Variants in CDH19 observed in about 807,000 individuals in gnomAD.
The protein encoded by CDH19 is cadherin-19.
In CDH19, 67 loss-of-function variants were observed where a neutral mutation model predicts 64.2. The ratio of observed to expected loss-of-function variants is 1.04; its 90% confidence interval spans 0.86 to 1.28. The LOEUF (loss-of-function observed/expected upper bound fraction) is 1.28, where lower values mean the gene tolerates loss of function less well. CDH19 is among the 50% of genes most tolerant of loss of function. CDH19 has a pLI of 0.00. For missense variants in CDH19, 1,030 were observed against 929.0 expected, an observed-to-expected ratio of 1.11 and a Z score of -1.41; for synonymous variants, 346 against 319.3, an observed-to-expected ratio of 1.08 and a Z score of -0.89.
At chr18:66,535,865 T>C (rs1986647860) in intron 7 of CDH19, among the ~76,000 whole-genome samples, 1 of 147,398 alleles carries the variant, frequency 6.8e-6, no homozygotes, top group Non-Finnish European at 1.5e-5. Context: ...TATATATGTA[T>C]GTGATATATT....
chr18:66,575,245 G>T (rs892315195), intron 1 of CDH19, among the ~76,000 whole-genome samples: 4 of 151,820 alleles, frequency 2.6e-5, no homozygotes, highest in South Asian at 2.1e-4. Flanking sequence ...CAAGGGGAGT[G>T]TTAAGAGTGA....
At chr18:66,551,576 G>A (rs1027469311) in intron 4 of CDH19, among the ~76,000 whole-genome samples, 2 of 151,604 alleles carry the variant, frequency 1.3e-5, no homozygotes, top group East Asian at 1.9e-4. Flanking sequence ...ACATAATATC[G>A]GCTTGCTACA....
At position 66,501,669 on chromosome 18, in the gene CDH19, A is replaced by G. The variant is rs543696311; in HGVS notation, c.*3143T>C. 1.3e-5 allele frequency: 2 copies of G among 152,128 alleles called. No homozygotes were observed. The allele number at this position is 152,128 out of a possible 1,614,324, so 9.4% of individuals were successfully genotyped here. ...CCATTAGCTGTTGTTATAATAATTC[A>G]CTGTTATTTATTGAGCAGTTATATT... On this transcript the variant is annotated 3_prime_UTR_variant, in exon 12 of 12. Transcript: ENST00000262150.
At chr18:66,544,996 C>A in intron 5 of CDH19, 93 bp from the exon 6 acceptor site, 1 of 963,012 alleles carries the variant, frequency 1.0e-6, no homozygotes, top group South Asian at 2.0e-5. Flanking sequence ...TTTGTTTTTT[C>A]GAGACGGAGT....
At chr18:66,544,273 G>C (rs1396772729) in intron 6 of CDH19, 49 bp from the exon 7 acceptor site, 1 of 1,543,704 alleles carries the variant, frequency 6.5e-7, no homozygotes, top group Non-Finnish European at 8.7e-7. Flanking sequence ...AGTAACCCAA[G>C]ATACTATTTA....
chr18:66,538,211 A>G (rs1189041422), intron 7 of CDH19, among the ~76,000 whole-genome samples: 1 of 152,064 alleles, frequency 6.6e-6, no homozygotes, highest in Non-Finnish European at 1.5e-5. Flanking sequence ...AAAATTACTT[A>G]GGTTGTATTT....
chr18:66,523,919 G>C (rs1265792629), intron 9 of CDH19, among the ~76,000 whole-genome samples: 2 of 148,362 alleles, frequency 1.3e-5, no homozygotes, highest in African/African-American at 5.0e-5. Context: ...GGGGCGGGGG[G>C]GTTGGGGGGC....
At chr18:66,581,747 G>A (rs891196190) in intron 1 of CDH19, among the ~76,000 whole-genome samples, 8 of 151,996 alleles carry the variant, frequency 5.3e-5, no homozygotes, top group Non-Finnish European at 1.0e-4. Context: ...TTTGGGACTC[G>A]GATTGAGCGA....
At chr18:66,559,183 T>C (rs1056106524) in intron 3 of CDH19, among the ~76,000 whole-genome samples, 2 of 152,020 alleles carry the variant, frequency 1.3e-5, no homozygotes, top group African/African-American at 4.8e-5. Flanking sequence ...TTTAAAATTG[T>C]ATTTCCATGG....
intron 1 of CDH19, among the ~76,000 whole-genome samples, chr18:66,587,025 A>G (rs1284777610): frequency 6.6e-6 from 1 of 152,098 alleles, no homozygotes; most frequent in Non-Finnish European, 1.5e-5. Flanking sequence ...AAGCACCTGC[A>G]TTACCAGGAC....
At chr18:66,572,353 A>G (rs996752344) in intron 1 of CDH19, 37 bp from the exon 2 acceptor site, 6 of 502,426 alleles carry the variant, frequency 1.2e-5, no homozygotes, top group Non-Finnish European at 2.1e-5. Context: ...TTGACATTTT[A>G]AAATAACATT....
intron 7 of CDH19, among the ~76,000 whole-genome samples, chr18:66,535,499 T>A (rs1239036994): frequency 1.3e-5 from 2 of 151,012 alleles, no homozygotes. Context: ...TTTTTGTTTG[T>A]TTAAAAAGTA....
chr18:66,507,701 A>T (rs1004091855), intron 11 of CDH19, among the ~76,000 whole-genome samples: 2 of 151,896 alleles, frequency 1.3e-5, no homozygotes, highest in Non-Finnish European at 2.9e-5. Flanking sequence ...CTGTACTTGG[A>T]TTTAAAAAAG....
intron 5 of CDH19, among the ~76,000 whole-genome samples, chr18:66,547,679 T>A (rs1406961516): frequency 7.2e-6 from 1 of 138,160 alleles, no homozygotes; most frequent in African/African-American, 2.9e-5. Context: ...TTTTTTTTTT[T>A]TTTTTTGAGA....
At chr18:66,524,147 T>C (rs1193586313) in intron 9 of CDH19, among the ~76,000 whole-genome samples, 2 of 152,172 alleles carry the variant, frequency 1.3e-5, no homozygotes, top group Non-Finnish European at 2.9e-5. Flanking sequence ...CTTTTTATAA[T>C]TCCTTTTGTG....
intron 4 of CDH19, among the ~76,000 whole-genome samples, chr18:66,553,300 T>C (rs1402563110): frequency 7.4e-6 from 1 of 134,436 alleles, no homozygotes; most frequent in Non-Finnish European, 1.5e-5. Context: ...TCAGCCTTTC[T>C]AGACCTGAAT....
At chr18:66,570,876 C>T (rs1464561790) in intron 2 of CDH19, among the ~76,000 whole-genome samples, 1 of 151,556 alleles carries the variant, frequency 6.6e-6, no homozygotes, top group Non-Finnish European at 1.5e-5. Context: ...ACCTTATTTA[C>T]TAAAAGCCAA....
At chr18:66,528,036 A>C (rs1250631849) in intron 9 of CDH19, among the ~76,000 whole-genome samples, 4 of 151,598 alleles carry the variant, frequency 2.6e-5, no homozygotes, top group Non-Finnish European at 5.9e-5. Context: ...GTTACATCTA[A>C]TATGTAAATT....
chr18:66,596,907 C>T (rs1414316578), intron 1 of CDH19, among the ~76,000 whole-genome samples: 1 of 149,638 alleles, frequency 6.7e-6, no homozygotes. Flanking sequence ...ACGGTGAAAC[C>T]CCGTCTCTAC....
Sources: gnomAD v4.1 joint callset for allele counts (sites outside exome capture counted in the v4.1 genomes callset) on GRCh38, gnomAD v4.1.1 for gene constraint, MANE v1.5 for transcripts, NCBI Gene and HGNC (gene_info 2026-07-23, HGNC 2026-07-21) for gene names.